The following ANK3 variants were observed in gnomAD, a reference collection of about 807,000 sequenced individuals.
The protein encoded by ANK3 is ankyrin-3.
ANK3 carries 57 observed loss-of-function variants against 370.9 expected under a neutral mutation model. The observed-to-expected ratio is 0.15, with a 90% CI of 0.12 to 0.19. The LOEUF is 0.19. ANK3 is among the 10% of genes least tolerant of loss of function. ANK3 has a pLI of 1.00. For synonymous variants in ANK3, 1,929 were observed against 1,946.3 expected (o/e 0.99, Z 0.23); for missense variants, 4,439 against 5,302.1 (o/e 0.84, Z 5.06).
chr10:60,579,291 C>T (rs1199922972), intron 2 of ANK3, among the ~76,000 whole-genome samples: 1 of 137,920 alleles, frequency 7.3e-6, no homozygotes. Flanking sequence ...TGCCACTGCA[C>T]TCTGGCCTGG....
rs1342899686 is a variant in ANK3, at chr10:60,198,364, T to C, written c.1665A>G (p.Gly555=). The C allele has an allele frequency of 8.7e-6, 14 of 1,614,058 alleles. No individual in the cohort carries two copies. The highest frequency in any genetic ancestry group is 1.2e-5 in the Non-Finnish European group (14 of 1,180,034). Residue 555 remains glycine, a synonymous_variant, in exon 14 of 44, where the codon GGA becomes GGG. Coordinates refer to ENST00000280772, the MANE Select transcript of ANK3 (RefSeq NM_020987.5). ...EDVAAFLLDH[G]ASLSITTKKG... is the part of the protein sequence containing the mutation. ...CCTTTGTTGTTATAGATAAAGACGC[T>C]CCATGATCCAAAAGGAACGCGGCCA... is the stretch of plus-strand genomic sequence containing the variant.
chr10:60,029,344 A>T lies in ANK3; in HGVS notation c.*502T>A, dbSNP rs1045706198. On this transcript the variant is annotated 3_prime_UTR_variant, in exon 44 of 44. Transcript: ENST00000280772. The stretch of plus-strand genomic sequence containing the variant: ...TCTATTTTTCTGTTAGAATTTATAC[A>T]GTGTTATTATTTACAGCAAAACTAT... 7.2e-5 allele frequency: 11 copies of T among 152,590 alleles called. No individual in the cohort carries two copies. The highest frequency in any genetic ancestry group is 2.7e-4 in the African/African-American group (11 of 41,420). The allele number at this position is 152,590 out of a possible 1,614,324, so 9.5% of individuals were successfully genotyped here. A position where few individuals can be genotyped will look rare whatever the true frequency, so the allele number is the denominator to read the frequency against.
chr10:60,167,856 T>G (rs750261130), intron 21 of ANK3, among the ~76,000 whole-genome samples: 2 of 152,152 alleles, frequency 1.3e-5, no homozygotes, highest in Non-Finnish European at 2.9e-5. Context: ...TGTGTTGAAA[T>G]CAACCATTAT....
chr10:60,354,200 T>C (rs1383984999), intron 1 of ANK3, among the ~76,000 whole-genome samples: 1 of 152,198 alleles, frequency 6.6e-6, no homozygotes, highest in Non-Finnish European at 1.5e-5. Context: ...TCCCCCAAGA[T>C]GCATGGCACA....
At chr10:60,571,294 C>T (rs565825080) in intron 2 of ANK3, among the ~76,000 whole-genome samples, 9 of 152,142 alleles carry the variant, frequency 5.9e-5, no homozygotes, top group Non-Finnish European at 1.2e-4. Context: ...ATAGACATGA[C>T]CTCAGAACAG....
At chr10:60,169,684 T>G (rs915762418) in intron 21 of ANK3, among the ~76,000 whole-genome samples, 3 of 152,176 alleles carry the variant, frequency 2.0e-5, no homozygotes, top group Non-Finnish European at 4.4e-5. Context: ...TTGGAATTCT[T>G]TTGCCTGAGA....
At chr10:60,195,565 C>T (rs1421957845) in intron 16 of ANK3, among the ~76,000 whole-genome samples, 1 of 152,062 alleles carries the variant, frequency 6.6e-6, no homozygotes, top group African/African-American at 2.4e-5. Flanking sequence ...ACTCTATTAA[C>T]CTGTCTTTAA....
At chr10:60,444,415 G>GT (rs2064383051) in intron 2 of ANK3, among the ~76,000 whole-genome samples, 4 of 144,438 alleles carry the variant, frequency 2.8e-5, no homozygotes, top group Admixed American at 2.1e-4. Flanking sequence ...AACATTATAT[G>GT]TATATATAAC....
Position 60,279,592 on chromosome 10 carries a change from A to G in ANK3, c.162T>C (p.Leu54=), listed in dbSNP as rs1197580916. 2 of 1,613,240 alleles carry G rather than the reference A, an allele frequency of 1.2e-6. No homozygotes were observed. Among genetic ancestry groups the G allele is most frequent in the Non-Finnish European group, 1.7e-6 (2 of 1,179,812 alleles). Residue 54 remains leucine (L), a synonymous_variant, in exon 2 of 44, where the codon CTT becomes CTC. Coordinates refer to ENST00000280772, the MANE Select transcript of ANK3 (RefSeq NM_020987.5). ...TTTTTATGTAGTCGAGGGCCTTTTC[A>G]AGGTGTCCAGCTCGAGCTGCTCTTA... ...SYLRAARAGH[L]EKALDYIKNG...
At chr10:60,385,435 C>T (rs1004944080) in intron 1 of ANK3, among the ~76,000 whole-genome samples, 6 of 151,952 alleles carry the variant, frequency 3.9e-5, no homozygotes, top group African/African-American at 7.3e-5. Flanking sequence ...ATTAGTGGCT[C>T]TTATCTTTCT....
chr10:60,539,241 A>G (rs185773257), intron 2 of ANK3, among the ~76,000 whole-genome samples: 1 of 152,142 alleles, frequency 6.6e-6, no homozygotes, highest in Non-Finnish European at 1.5e-5. Context: ...AATTTCATGC[A>G]TATAAAATTG....
intron 2 of ANK3, among the ~76,000 whole-genome samples, chr10:60,486,621 T>C (rs2133111373): frequency 6.6e-6 from 1 of 152,236 alleles, no homozygotes; most frequent in South Asian, 2.1e-4. Flanking sequence ...GTAACAAAAT[T>C]GTGGTCACAT....
In ANK3 at chr10:60,647,798, T is replaced by C. The variant is rs192593338; in HGVS notation, c.58-32574A>G. Among the ~76,000 whole-genome samples the C allele has an allele frequency of 1.8e-4, 28 of 152,056 alleles. No homozygotes were observed. The East Asian group carries it at 5.0e-3, about 27-fold the overall frequency. On this transcript the variant is annotated intron_variant, in intron 1 of 43. Transcript: ENST00000373827. ...ATTTCCCTTTTCAACTGAAACCACA[T>C]TTTTAGGAATAAAAACAGGTTTTTC...
At chr10:60,619,930 A>G (rs1463382202) in intron 1 of ANK3, among the ~76,000 whole-genome samples, 1 of 152,182 alleles carries the variant, frequency 6.6e-6, no homozygotes, top group African/African-American at 2.4e-5. Flanking sequence ...TGAAGTCCAC[A>G]GTAATTACTT....
chr10:60,565,307 C>T (rs1301354530), intron 2 of ANK3, among the ~76,000 whole-genome samples: 1 of 152,130 alleles, frequency 6.6e-6, no homozygotes, highest in African/African-American at 2.4e-5. Context: ...CTTGCATGTG[C>T]AGTTCACAAT....
intron 2 of ANK3, among the ~76,000 whole-genome samples, chr10:60,545,459 T>C (rs771876970): frequency 6.6e-6 from 1 of 151,704 alleles, no homozygotes; most frequent in Non-Finnish European, 1.5e-5. Context: ...AAAATAGTTC[T>C]ACAAATACTT....
chr10:60,685,534 T>C (rs937295880), intron 1 of ANK3, among the ~76,000 whole-genome samples: 2 of 152,254 alleles, frequency 1.3e-5, no homozygotes, highest in Non-Finnish European at 2.9e-5. Flanking sequence ...TTATTAGCCT[T>C]TGCTGAAGAT....
chr10:60,084,588 T>C lies in ANK3; in HGVS notation c.4074+14A>G. 1 of 1,607,546 alleles carries C rather than the reference T, an allele frequency of 6.2e-7. No individual in the cohort carries two copies. Among genetic ancestry groups the C allele is most frequent in the Non-Finnish European group, 8.5e-7 (1 of 1,174,420 alleles). On this transcript the variant is annotated intron_variant, in intron 32 of 43. Coordinates refer to ENST00000280772, the MANE Select transcript of ANK3 (RefSeq NM_020987.5). ...GTACGTAATGAAATGAACTTGTTTT[T>C]GTGAACAAGGTACCTCAATATCTTT...
chr10:60,710,491 T>C (rs143442261), intron 1 of ANK3, among the ~76,000 whole-genome samples: 1,562 of 152,304 alleles, frequency 0.01, 28 homozygotes, highest in African/African-American at 0.036. Context: ...CAGACCAGCA[T>C]CCACATATAT....
Sources: allele counts gnomAD v4.1 joint callset (sites outside exome capture counted in the v4.1 genomes callset), GRCh38; gene constraint gnomAD v4.1.1; transcripts MANE v1.5; gene names NCBI Gene and HGNC (gene_info 2026-07-23, HGNC 2026-07-21).